Variants in CLIC5 observed in about 807,000 individuals in gnomAD.
CLIC5 encodes CLIC family member 5.
Under a neutral mutation model 24.7 loss-of-function variants are expected in CLIC5, and 20 were observed. The ratio of observed to expected loss-of-function variants is 0.81; its 90% CI spans 0.57 to 1.18. The LOEUF is 1.18. Among genes scored for constraint, CLIC5 ranks in the 50% most tolerant of loss-of-function variants. The pLI, the probability that CLIC5 is intolerant of heterozygous loss-of-function variation, is 0.00. For missense variants in CLIC5, 341 were observed against 326.1 expected (o/e 1.05, Z -0.35); for synonymous variants, 159 against 135.6 (o/e 1.17, Z -1.20).
chr6:45,974,876 A>T (rs1041963499), intron 1 of CLIC5, among the ~76,000 whole-genome samples: 1 of 152,136 alleles, frequency 6.6e-6, no homozygotes, highest in Non-Finnish European at 1.5e-5. Context: ...CCACAGCACC[A>T]AGTGGGGCAA....
intron 4 of CLIC5, chr6:45,937,671 G>A (rs1325672996): frequency 3.9e-5 from 6 of 152,294 alleles, no homozygotes; most frequent in East Asian, 1.9e-4. Context: ...ATATTAGCTC[G>A]GACTTGTAGT....
At chr6:45,933,148 C>A (rs1763802975) in intron 4 of CLIC5, among the ~76,000 whole-genome samples, 1 of 152,182 alleles carries the variant, frequency 6.6e-6, no homozygotes, top group South Asian at 2.1e-4. Flanking sequence ...GAGGTGGAAA[C>A]CTTGGCCTTT....
In CLIC5 at chr6:45,949,339, C is replaced by A. The variant is rs373031546; in HGVS notation, c.216G>T (p.Pro72=). 6.2e-7 allele frequency: 1 copy of A among 1,613,760 alleles called. No homozygotes were observed. The highest frequency in any genetic ancestry group is 2.2e-5 in the East Asian group (1 of 44,872). The change falls in exon 3 of 6, where the codon CCG becomes CCT. Residue 72 remains proline, a synonymous_variant. Transcript: ENST00000339561. ...DLHNLAPGTH[P]PFLTFNGDVK... ...CGTCCCCGTTGAAGGTCAGGAAGGG[C>A]GGGTGCGTGCCGGGGGCTAGGTTGT...
intron 1 of CLIC5, among the ~76,000 whole-genome samples, chr6:45,960,629 C>A (rs1311048032): frequency 6.6e-6 from 1 of 152,222 alleles, no homozygotes; most frequent in Non-Finnish European, 1.5e-5. Context: ...ACTCTTGACA[C>A]AGAAACCAAA....
intron 1 of CLIC5, among the ~76,000 whole-genome samples, chr6:46,065,349 T>G (rs542909117): frequency 1.5e-5 from 1 of 67,306 alleles, no homozygotes; most frequent in South Asian, 5.4e-4. Flanking sequence ...TTTCAAGGTT[T>G]TTTTTTTTTT....
intron 1 of CLIC5, among the ~76,000 whole-genome samples, chr6:46,047,601 C>T (rs1359236548): frequency 2.6e-5 from 4 of 152,164 alleles, no homozygotes; most frequent in Non-Finnish European, 4.4e-5. Flanking sequence ...TATACAATAA[C>T]AAATGCACCA....
chr6:46,116,749 T>C, the CLIC5 span, among the ~76,000 whole-genome samples: 1 of 152,176 alleles, frequency 6.6e-6, no homozygotes, highest in African/African-American at 2.4e-5. Context: ...GGTGCCTGGT[T>C]GCTTAAAGGG....
chr6:45,883,997 G>A (rs1417977683), intron 6 of CLIC5, among the ~76,000 whole-genome samples: 2 of 152,140 alleles, frequency 1.3e-5, no homozygotes, highest in Non-Finnish European at 2.9e-5. Context: ...ACCATGAAGG[G>A]TTTATTTCAG....
At chr6:46,111,384 A>C in the CLIC5 span, among the ~76,000 whole-genome samples, 1 of 152,300 alleles carries the variant, frequency 6.6e-6, no homozygotes, top group African/African-American at 2.4e-5. Flanking sequence ...TAGAAAAACC[A>C]GTGTGTAGAC....
chr6:45,908,959 G>A (rs1018159090), intron 5 of CLIC5, among the ~76,000 whole-genome samples: 2 of 151,038 alleles, frequency 1.3e-5, no homozygotes, highest in Non-Finnish European at 2.9e-5. Flanking sequence ...GTGCTCCAGT[G>A]TTGGGTGTGT....
the CLIC5 span, among the ~76,000 whole-genome samples, chr6:46,114,132 GC>G: frequency 6.6e-6 from 1 of 152,164 alleles, no homozygotes; most frequent in Non-Finnish European, 1.5e-5. Context: ...TAGGCCAGCA[GC>G]CCCAAGAGCT....
chr6:45,977,061 T>C (rs929075126), intron 1 of CLIC5, among the ~76,000 whole-genome samples: 9 of 152,210 alleles, frequency 5.9e-5, no homozygotes, highest in African/African-American at 2.2e-4. Context: ...AAGAAAGTGG[T>C]GTTTAAACTA....
chr6:45,936,113 C>A (rs1763923160), intron 4 of CLIC5, among the ~76,000 whole-genome samples: 1 of 151,796 alleles, frequency 6.6e-6, no homozygotes, highest in South Asian at 2.1e-4. Flanking sequence ...AGATGTATAA[C>A]CCCTCAAACT....
chr6:45,941,584 A>G lies in CLIC5; in HGVS notation c.369T>C (p.Ser123=). 1.2e-6 allele frequency: 2 copies of G among 1,613,980 alleles called. No homozygotes were observed. The highest frequency in any genetic ancestry group is 2.2e-5 in the South Asian group (2 of 91,056). ...GCTGCTTGGTATTTTTGATGTAGGC[A>G]GAAAACTTGGAAAAGATGTCGATGC... ...TAGIDIFSKF[S]AYIKNTKQQN... is the part of the protein sequence containing the mutation. The change falls in exon 4 of 6, where the codon TCT becomes TCC. Residue 123 remains serine (S), a synonymous_variant. Transcript: ENST00000339561.
chr6:46,081,656 G>A (rs1247587259), upstream of CLIC5, among the ~76,000 whole-genome samples: 1 of 152,128 alleles, frequency 6.6e-6, no homozygotes, highest in Non-Finnish European at 1.5e-5. Flanking sequence ...TAATTGAATG[G>A]ATTCCAGTTC....
intron 3 of CLIC5, among the ~76,000 whole-genome samples, chr6:45,947,162 A>G (rs1363248476): frequency 6.6e-6 from 1 of 152,224 alleles, no homozygotes; most frequent in Non-Finnish European, 1.5e-5. Context: ...ATGTTCAAGG[A>G]CGCATGGGGC....
At chr6:46,051,911 T>A (rs949594202) in intron 1 of CLIC5, among the ~76,000 whole-genome samples, 62 of 152,188 alleles carry the variant, frequency 4.1e-4, no homozygotes, top group Non-Finnish European at 5.9e-5. Flanking sequence ...GCACTGACTA[T>A]CTGAGATAAA....
chr6:45,893,230 G>GTTTT (rs11414475), intron 6 of CLIC5, among the ~76,000 whole-genome samples: 1 of 140,562 alleles, frequency 7.1e-6, no homozygotes, highest in African/African-American at 2.7e-5. Flanking sequence ...TGCCACCCTG[G>GTTTT]TTTTTTTTTT....
chr6:45,949,623 G>GA (rs1199263485), intron 2 of CLIC5, among the ~76,000 whole-genome samples: 1 of 152,000 alleles, frequency 6.6e-6, no homozygotes, highest in Non-Finnish European at 1.5e-5. Context: ...TGAAGGAGTT[G>GA]AAAAAATGAA....
Sources: allele counts gnomAD v4.1 joint callset (sites outside exome capture counted in the v4.1 genomes callset), GRCh38; gene constraint gnomAD v4.1.1; transcripts MANE v1.5; gene names NCBI Gene and HGNC (gene_info 2026-07-23, HGNC 2026-07-21).